The following CSTPP1 variants were observed in gnomAD, a reference collection of about 807,000 sequenced individuals.
CSTPP1 encodes centriolar satellite-associated tubulin polyglutamylase complex regulator 1, also known as UPF0705 protein C11orf49.
the CSTPP1 span, chr11:46,987,976 G>GAGTTGAGT: frequency 5.9e-5 from 9 of 152,198 alleles, no homozygotes; most frequent in Admixed American, 5.9e-4. Flanking sequence ...CAACATCATT[G>GAGTTGAGT]ATCATCAGAG....
chr11:46,977,802 C>T, the CSTPP1 span, among the ~76,000 whole-genome samples: 4 of 152,146 alleles, frequency 2.6e-5, no homozygotes, highest in African/African-American at 2.4e-5. Context: ...GTAATTGCAT[C>T]GAATGCATTT....
the CSTPP1 span, among the ~76,000 whole-genome samples, chr11:47,031,911 G>A: frequency 6.6e-6 from 1 of 152,090 alleles, no homozygotes; most frequent in Non-Finnish European, 1.5e-5. Context: ...GAAGAACTTG[G>A]AGTCCAATGT....
the CSTPP1 span, among the ~76,000 whole-genome samples, chr11:47,107,070 A>C: frequency 4.6e-5 from 7 of 152,164 alleles, no homozygotes; most frequent in Non-Finnish European, 8.8e-5. Flanking sequence ...GGCAAATTGC[A>C]TGCAGGGGAA....
chr11:47,023,714 C>CTTT, the CSTPP1 span, among the ~76,000 whole-genome samples: 2 of 152,092 alleles, frequency 1.3e-5, no homozygotes, highest in Non-Finnish European at 2.9e-5. Context: ...CAATATTTGT[C>CTTT]TTTTTTGATT....
At chr11:46,964,314 C>G in the CSTPP1 span, among the ~76,000 whole-genome samples, 15 of 148,540 alleles carry the variant, frequency 1.0e-4, no homozygotes, top group South Asian at 2.1e-4. Flanking sequence ...GAAATGGAGT[C>G]TCGCTCTGTC....
the CSTPP1 span, among the ~76,000 whole-genome samples, chr11:47,038,620 C>T: frequency 1.8e-5 from 2 of 112,848 alleles, no homozygotes; most frequent in African/African-American, 2.7e-5. Context: ...GGAGGCTGGC[C>T]GGGCGGGGGT....
the CSTPP1 span, among the ~76,000 whole-genome samples, chr11:47,084,702 A>G: frequency 2.0e-5 from 3 of 152,160 alleles, no homozygotes; most frequent in Non-Finnish European, 4.4e-5. Flanking sequence ...TAAATTGACC[A>G]TGTATTAATA....
chr11:46,989,240 A>G, the CSTPP1 span, among the ~76,000 whole-genome samples: 1 of 152,178 alleles, frequency 6.6e-6, no homozygotes, highest in African/African-American at 2.4e-5. Flanking sequence ...AAAAAAAAAA[A>G]CAGGTCATAC....
At chr11:46,964,061 G>A in the CSTPP1 span, among the ~76,000 whole-genome samples, 3 of 151,838 alleles carry the variant, frequency 2.0e-5, no homozygotes, top group African/African-American at 7.2e-5. Context: ...ATCTGGTCTC[G>A]TTACCTTCAA....
the CSTPP1 span, among the ~76,000 whole-genome samples, chr11:47,118,108 G>A: frequency 2.0e-5 from 3 of 151,962 alleles, no homozygotes; most frequent in African/African-American, 4.8e-5. Context: ...TCAAACCCCC[G>A]ACCTCGTGAT....
the CSTPP1 span, among the ~76,000 whole-genome samples, chr11:47,048,822 G>A: frequency 6.6e-6 from 1 of 152,074 alleles, no homozygotes; most frequent in African/African-American, 2.4e-5. Context: ...ATGGTTAAAT[G>A]ATAAATATTA....
the CSTPP1 span, among the ~76,000 whole-genome samples, chr11:47,116,863 A>T: frequency 1.3e-5 from 2 of 151,770 alleles, no homozygotes; most frequent in Admixed American, 1.3e-4. Flanking sequence ...TTGTATTTTT[A>T]GTAGAGACGG....
the CSTPP1 span, among the ~76,000 whole-genome samples, chr11:47,129,773 T>G: frequency 6.6e-6 from 1 of 152,242 alleles, no homozygotes; most frequent in Non-Finnish European, 1.5e-5. Flanking sequence ...TAGAAATGCC[T>G]GCATTTCTTT....
chr11:46,989,225 G>A, the CSTPP1 span, among the ~76,000 whole-genome samples: 59 of 150,650 alleles, frequency 3.9e-4, no homozygotes, highest in Non-Finnish European at 5.6e-4. Context: ...GAGAGACTCC[G>A]TCTCAAAAAA....
chr11:47,023,667 T>G, the CSTPP1 span, among the ~76,000 whole-genome samples: 23 of 152,326 alleles, frequency 1.5e-4, no homozygotes, highest in Middle Eastern at 3.4e-3. Flanking sequence ...ATCTAGGAAT[T>G]TGACTACTCT....
the CSTPP1 span, among the ~76,000 whole-genome samples, chr11:46,942,724 C>T: frequency 7.2e-5 from 11 of 151,986 alleles, no homozygotes; most frequent in Admixed American, 2.0e-4. Context: ...TCACAACTAC[C>T]ATATGAAGTG....
chr11:46,940,539 T>A, the CSTPP1 span, among the ~76,000 whole-genome samples: 1 of 152,312 alleles, frequency 6.6e-6, no homozygotes, highest in African/African-American at 2.4e-5. Flanking sequence ...TTTTTTTCAA[T>A]CTAAGTGACA....
chr11:47,046,406 TAAG>T, the CSTPP1 span, among the ~76,000 whole-genome samples: 9 of 151,512 alleles, frequency 5.9e-5, no homozygotes, highest in Admixed American at 5.9e-4. Flanking sequence ...AAAAGGAAAT[TAAG>T]AAAAGCAATT....
the CSTPP1 span, among the ~76,000 whole-genome samples, chr11:47,135,033 C>T: frequency 6.6e-6 from 1 of 151,990 alleles, no homozygotes; most frequent in African/African-American, 2.4e-5. Context: ...CACTTGAGCT[C>T]AGGAGTTCGA....
Sources: gnomAD v4.1 joint callset for allele counts (sites outside exome capture counted in the v4.1 genomes callset) on GRCh38, gnomAD v4.1.1 for gene constraint, MANE v1.5 for transcripts, NCBI Gene and HGNC (gene_info 2026-07-23, HGNC 2026-07-21) for gene names.